ETV1: variants seen among roughly 807,000 people sequenced by gnomAD.
ETV1 encodes the protein ETS translocation variant 1.
ETV1 carries 27 observed loss-of-function variants against 62.3 expected under a neutral mutation model. The ratio of observed to expected loss-of-function variants is 0.43; its 90% CI spans 0.32 to 0.60. The LOEUF is 0.60. ETV1 is among the 20% of genes least tolerant of loss of function. ETV1 has a pLI of 0.06. For synonymous variants in ETV1, 222 were observed against 199.6 expected, an observed-to-expected ratio of 1.11 and a Z score of -0.94; for missense variants, 605 against 605.8, an observed-to-expected ratio of 1.00 and a Z score of 0.01.
intron 9 of ETV1, among the ~76,000 whole-genome samples, chr7:13,924,235 T>G (rs891880019): frequency 9.9e-5 from 15 of 152,002 alleles, no homozygotes; most frequent in African/African-American, 3.6e-4. Flanking sequence ...TCAAGGGCAT[T>G]AAGAAAGAAA....
intron 3 of ETV1, chr7:13,988,742 G>C (rs1782796851): frequency 2.5e-6 from 4 of 1,612,678 alleles, no homozygotes; most frequent in Non-Finnish European, 3.4e-6. Context: ...AGCTGCTGCT[G>C]CCCTCCATCT....
chr7:13,977,546 A>G (rs1401002205), intron 5 of ETV1, 66 bp from the exon 6 acceptor site: 5 of 1,090,968 alleles, frequency 4.6e-6, no homozygotes, highest in East Asian at 2.6e-5. Context: ...AGGAATGTCA[A>G]GTAAAATCTG....
intron 13 of ETV1, among the ~76,000 whole-genome samples, chr7:13,896,963 A>T (rs1210905874): frequency 1.3e-5 from 2 of 152,192 alleles, no homozygotes; most frequent in Non-Finnish European, 2.9e-5. Flanking sequence ...CACAATGCAC[A>T]GGGAGGAAAT....
chr7:13,894,941 T>C lies in ETV1; in HGVS notation c.*925A>G, dbSNP rs1013463684. On this transcript the variant is annotated 3_prime_UTR_variant, in exon 14 of 14. Transcript: ENST00000430479. ...CAGCATAATACATGATTTAGTACAG[T>C]TAATTCTTATTGATTAAATAATGTA... 4.3e-6 allele frequency: 1 copy of C among 232,798 alleles called. No individual in the cohort carries two copies. Among genetic ancestry groups the C allele is most frequent in the Non-Finnish European group, 8.5e-6 (1 of 117,666 alleles). The allele number at this position is 232,798 out of a possible 1,614,324, so 14.4% of individuals were successfully genotyped here.
At chr7:13,931,805 A>T in intron 8 of ETV1, 56 bp from the exon 9 acceptor site, 1 of 1,593,112 alleles carries the variant, frequency 6.3e-7, no homozygotes, top group Non-Finnish European at 8.6e-7. Context: ...CATTCTTTAA[A>T]ATACGGATAC....
chr7:13,978,648 A>G (rs949492849), intron 5 of ETV1, among the ~76,000 whole-genome samples: 2 of 152,002 alleles, frequency 1.3e-5, no homozygotes, highest in African/African-American at 2.4e-5. Context: ...CTCTTTTGAA[A>G]ATGCTTCAGG....
intron 5 of ETV1, among the ~76,000 whole-genome samples, chr7:13,979,581 A>G (rs912112600): frequency 2.6e-5 from 4 of 152,116 alleles, no homozygotes; most frequent in African/African-American, 9.6e-5. Flanking sequence ...CAGCAAGTAC[A>G]CAGATTCAAA....
Position 13,935,712 on chromosome 7 carries a change from G to T in ETV1, c.550C>A (p.His184Asn). ...AAACTGGTATCTGCAGGTTACCTGT[G>T]GTCCATGGGGTAGCTGCTATCTGGT... is the stretch of plus-strand genomic sequence containing the variant. The part of the protein sequence containing the change: ...SIPDSSYPMD[H>N]RFRRQLSEPC... Residue 184 changes from histidine to asparagine, a missense_variant, in exon 8 of 14, where the codon CAC becomes AAC. His to Asn is a moderately conservative substitution (Grantham distance 68, BLOSUM62 1). Transcript: ENST00000430479. 1 of 1,613,160 alleles carries T rather than the reference G, an allele frequency of 6.2e-7. No homozygotes were observed. The highest frequency in any genetic ancestry group is 1.1e-5 in the South Asian group (1 of 90,990).
At chr7:13,918,117 A>G (rs1583623250) in intron 9 of ETV1, among the ~76,000 whole-genome samples, 1 of 152,232 alleles carries the variant, frequency 6.6e-6, no homozygotes, top group Non-Finnish European at 1.5e-5. Context: ...GAAAAAAAAC[A>G]TACCATGAAC....
chr7:13,931,766 T>C lies in ETV1; in HGVS notation c.555-17A>G, dbSNP rs1583680202. 1 of 1,611,306 alleles carries C rather than the reference T, an allele frequency of 6.2e-7. No homozygotes were observed. Among genetic ancestry groups the C allele is most frequent in the Non-Finnish European group, 8.5e-7 (1 of 1,177,830 alleles). ...CGGCGAAATCTAGGGAATAAGAGAGTGTGTTTCAGATGAAACGGTAACATG... is the reference window on the plus strand; with the variant it reads ...CGGCGAAATCTAGGGAATAAGAGAGCGTGTTTCAGATGAAACGGTAACATG... On this transcript the variant is annotated splice_polypyrimidine_tract_variant and intron_variant, in intron 8 of 13. Transcript: ENST00000430479.
At position 13,971,076 on chromosome 7, in the gene ETV1, A is replaced by G. The variant is rs112641530; in HGVS notation, c.235+6351T>C. Among the ~76,000 whole-genome samples, 744 of 152,202 alleles carry G rather than the reference A, an allele frequency of 4.9e-3. 6 individuals carry two copies. The highest frequency in any genetic ancestry group is 0.017 in the African/African-American group (708 of 41,532). On this transcript the variant is annotated intron_variant, in intron 6 of 13. Transcript: ENST00000430479. Reference sequence around the variant, plus strand: ...AACCTCTACCTCCCAGGTTCAAGCAATTCTCCTGCCTCAGCCTCCTGAGTA... The same window carrying G: ...AACCTCTACCTCCCAGGTTCAAGCAGTTCTCCTGCCTCAGCCTCCTGAGTA...
intron 13 of ETV1, among the ~76,000 whole-genome samples, chr7:13,899,814 T>C (rs1782223297): frequency 6.6e-6 from 1 of 152,182 alleles, no homozygotes; most frequent in Non-Finnish European, 1.5e-5. Context: ...AATTCACTTG[T>C]TTTTTCTCTA....
intron 6 of ETV1, among the ~76,000 whole-genome samples, chr7:13,939,731 G>A (rs1039624228): frequency 1.3e-5 from 2 of 152,138 alleles, no homozygotes; most frequent in Non-Finnish European, 2.9e-5. Flanking sequence ...AAATCCAGGC[G>A]CAGGTCCAGA....
At position 13,970,325 on chromosome 7, in the gene ETV1, CAA is replaced by C. The variant is rs1233985276; in HGVS notation, c.235+7100_235+7101del. Among the ~76,000 whole-genome samples, 792 of 126,642 alleles carry C rather than the reference CAA, an allele frequency of 6.3e-3. 16 individuals carry two copies. Among genetic ancestry groups the C allele is most frequent in the African/African-American group, 0.022 (754 of 33,934 alleles). 83.1% of individuals were successfully genotyped at this position (126,642 alleles called of 152,430 possible). A position where few individuals can be genotyped will look rare whatever the true frequency, so the allele number is the denominator to read the frequency against. On this transcript the variant is annotated intron_variant, in intron 6 of 13. Transcript: ENST00000430479. Reference sequence around the variant, plus strand: ...ACACACACACACACACACACACACACAAAGCAGCAACTACAAAAAGCATACCC... The same window carrying C: ...ACACACACACACACACACACACACACAGCAGCAACTACAAAAAGCATACCC...
chr7:13,952,962 G>T (rs1282015248), intron 6 of ETV1, among the ~76,000 whole-genome samples: 1 of 152,162 alleles, frequency 6.6e-6, no homozygotes, highest in Admixed American at 6.5e-5. Flanking sequence ...GCCCTGGGAG[G>T]AAACTGGTTC....
chr7:13,896,743 G>GGAAGGAAAGAAAGAAAGAAA (rs1781846399), intron 13 of ETV1, among the ~76,000 whole-genome samples: 1 of 115,302 alleles, frequency 8.7e-6, no homozygotes, highest in African/African-American at 3.4e-5. Context: ...AAGAAAGAAA[G>GGAAGGAAAGAAAGAAAGAAA]GAAAGAAAGA....
At chr7:13,988,364 T>C (rs1782741851) in intron 3 of ETV1, 191 bp from the exon 4 acceptor site, 5 of 590,464 alleles carry the variant, frequency 8.5e-6, no homozygotes, top group South Asian at 4.4e-5. Context: ...TGAAAGCTTA[T>C]GTTAAGCAGG....
chr7:13,908,156 T>C (rs977809106), intron 11 of ETV1, among the ~76,000 whole-genome samples: 1 of 152,154 alleles, frequency 6.6e-6, no homozygotes, highest in East Asian at 1.9e-4. Flanking sequence ...TTTCTTCTTG[T>C]TCTACATTAC....
At position 13,963,991 on chromosome 7, in the gene ETV1, A is replaced by G. The variant is rs548488347; in HGVS notation, c.235+13436T>C. Reference sequence around the variant, plus strand: ...GGGATTGATTTTCCTGAAAGAATACAGGAACATGGAGATTTCAGATGGCAA... The same window carrying G: ...GGGATTGATTTTCCTGAAAGAATACGGGAACATGGAGATTTCAGATGGCAA... On this transcript the variant is annotated intron_variant, in intron 6 of 13. Transcript: ENST00000430479. Among the ~76,000 whole-genome samples, 107 of 152,328 alleles carry G rather than the reference A, an allele frequency of 7.0e-4. 2 individuals are homozygous for G. Among genetic ancestry groups the G allele is most frequent in the African/African-American group, 2.5e-3 (105 of 41,582 alleles).
Sources: allele counts gnomAD v4.1 joint callset (sites outside exome capture counted in the v4.1 genomes callset), GRCh38; gene constraint gnomAD v4.1.1; transcripts MANE v1.5; gene names NCBI Gene and HGNC (gene_info 2026-07-23, HGNC 2026-07-21).